KCNN2: variants seen among roughly 807,000 people sequenced by gnomAD.
KCNN2 encodes small conductance calcium-activated potassium channel protein 2.
A neutral mutation model predicts 55.5 loss-of-function variants in KCNN2; 24 were observed. That is an observed-to-expected ratio of 0.43 (90% CI 0.31 to 0.61). KCNN2 has a LOEUF of 0.61. Ranked by LOEUF, KCNN2 falls within the 20% of genes least tolerant of loss-of-function variation. The pLI is 0.08. For synonymous variants in KCNN2, 431 were observed against 336.1 expected (o/e 1.28, Z -3.09); for missense variants, 754 against 853.6 (o/e 0.88, Z 1.45).
At chr5:114,203,288 C>T (rs1369933936) in intron 1 of KCNN2, among the ~76,000 whole-genome samples, 1 of 152,050 alleles carries the variant, frequency 6.6e-6, no homozygotes, top group African/African-American at 2.4e-5. Flanking sequence ...CATTTAAAGT[C>T]CACTGTGATA....
intron 2 of KCNN2, among the ~76,000 whole-genome samples, chr5:114,330,883 T>A (rs1384449725): frequency 6.6e-6 from 1 of 152,182 alleles, no homozygotes; most frequent in African/African-American, 2.4e-5. Context: ...CAATTCTATA[T>A]CTCAACTGAA....
In KCNN2 at chr5:114,204,710, C is replaced by A. The variant is rs899087455; in HGVS notation, c.-270-16770C>A. Reference sequence around the variant, plus strand: ...ATGGCCGTGTCACATTATGGTGACACCACCATTATGGTGGAGCCTCTAAAA... The same window carrying A: ...ATGGCCGTGTCACATTATGGTGACAACACCATTATGGTGGAGCCTCTAAAA... On this transcript the variant is annotated intron_variant, in intron 1 of 10. Coordinates refer to the KCNN2 transcript ENST00000512097. Among the ~76,000 whole-genome samples, 4 of 152,162 alleles carry A rather than the reference C, an allele frequency of 2.6e-5. No individual in the cohort carries two copies. In the East Asian group the frequency reaches 7.7e-4, roughly 29 times the overall value.
At chr5:114,382,211 G>T (rs1758145780) in intron 2 of KCNN2, among the ~76,000 whole-genome samples, 1 of 152,170 alleles carries the variant, frequency 6.6e-6, no homozygotes, top group African/African-American at 2.4e-5. Context: ...ATTCTGCAGT[G>T]CAATCCTTGC....
chr5:114,058,925 G>A (rs577292635), intron 1 of KCNN2, among the ~76,000 whole-genome samples: 9 of 152,166 alleles, frequency 5.9e-5, no homozygotes, highest in South Asian at 2.1e-4. Context: ...TACTTACTGC[G>A]CAGGAGACCA....
chr5:114,399,893 G>C (rs1344814064), intron 2 of KCNN2, among the ~76,000 whole-genome samples: 3 of 149,850 alleles, frequency 2.0e-5, no homozygotes, highest in Non-Finnish European at 4.4e-5. Context: ...TGTGTGCATA[G>C]AGATGTACAT....
At chr5:114,378,588 G>A (rs939641306) in intron 2 of KCNN2, among the ~76,000 whole-genome samples, 1 of 152,162 alleles carries the variant, frequency 6.6e-6, no homozygotes, top group Non-Finnish European at 1.5e-5. Flanking sequence ...ATGTGGAATT[G>A]TGTGTTGAAT....
At chr5:114,113,146 C>A (rs1390598095) in intron 1 of KCNN2, among the ~76,000 whole-genome samples, 1 of 151,888 alleles carries the variant, frequency 6.6e-6, no homozygotes, top group African/African-American at 2.4e-5. Flanking sequence ...TAAATAAAAC[C>A]ATTTTATCTC....
chr5:114,194,816 T>C (rs761282526), intron 1 of KCNN2, among the ~76,000 whole-genome samples: 3 of 151,972 alleles, frequency 2.0e-5, no homozygotes, highest in Admixed American at 2.0e-4. Context: ...TAATTTTAGC[T>C]CTTACATTTA....
chr5:114,117,337 C>T (rs1290677516), intron 1 of KCNN2, among the ~76,000 whole-genome samples: 1 of 152,140 alleles, frequency 6.6e-6, no homozygotes, highest in Non-Finnish European at 1.5e-5. Flanking sequence ...CCTGCCTAAC[C>T]CACTCTGACC....
chr5:114,451,919 A>G (rs934713132), intron 3 of KCNN2, among the ~76,000 whole-genome samples: 1 of 151,950 alleles, frequency 6.6e-6, no homozygotes, highest in African/African-American at 2.4e-5. Context: ...AAAAGAATCA[A>G]ATGGAATCCT....
At chr5:114,309,620 T>C (rs146808182) in intron 2 of KCNN2, among the ~76,000 whole-genome samples, 74 of 152,326 alleles carry the variant, frequency 4.9e-4, no homozygotes, top group African/African-American at 1.6e-3. Context: ...CATTAATTCA[T>C]TTGTCAGAGA....
intron 2 of KCNN2, among the ~76,000 whole-genome samples, chr5:114,394,725 T>C (rs1307585456): frequency 2.0e-5 from 3 of 152,198 alleles, no homozygotes; most frequent in Non-Finnish European, 4.4e-5. Context: ...CTCCAAATCA[T>C]TTTTCCATAA....
chr5:114,388,988 G>A (rs1426075587), intron 2 of KCNN2, among the ~76,000 whole-genome samples: 1 of 152,040 alleles, frequency 6.6e-6, no homozygotes, highest in South Asian at 2.1e-4. Context: ...GTAATACAGT[G>A]ATGTTCTCTG....
intron 1 of KCNN2, among the ~76,000 whole-genome samples, chr5:114,064,064 G>T (rs1777651263): frequency 6.6e-6 from 1 of 152,204 alleles, no homozygotes; most frequent in African/African-American, 2.4e-5. Context: ...TTAACGAAAT[G>T]CTTGTGTTCT....
At chr5:114,092,533 CT>C (rs1298496935) in intron 1 of KCNN2, among the ~76,000 whole-genome samples, 1 of 152,308 alleles carries the variant, frequency 6.6e-6, no homozygotes, top group Non-Finnish European at 1.5e-5. Flanking sequence ...GGCAGTGCCC[CT>C]GTGGGGACTT....
At chr5:114,348,902 G>A (rs1757160567) in intron 2 of KCNN2, among the ~76,000 whole-genome samples, 1 of 152,020 alleles carries the variant, frequency 6.6e-6, no homozygotes, top group African/African-American at 2.4e-5. Flanking sequence ...ATTTTCTTAA[G>A]ATAGAATTTA....
chr5:114,440,180 G>A (rs1285959048), intron 3 of KCNN2, among the ~76,000 whole-genome samples: 1 of 152,014 alleles, frequency 6.6e-6, no homozygotes, highest in Non-Finnish European at 1.5e-5. Flanking sequence ...GAACGTAAAA[G>A]GAGTCAGAAA....
At chr5:114,313,602 C>T (rs1394671189) in intron 2 of KCNN2, among the ~76,000 whole-genome samples, 2 of 152,066 alleles carry the variant, frequency 1.3e-5, no homozygotes, top group Non-Finnish European at 2.9e-5. Context: ...GGAAGGTGAC[C>T]CTGAGATCTG....
At chr5:114,258,939 C>G (rs1049132409) in intron 2 of KCNN2, among the ~76,000 whole-genome samples, 1 of 152,192 alleles carries the variant, frequency 6.6e-6, no homozygotes, top group Non-Finnish European at 1.5e-5. Context: ...GTGGGCACAC[C>G]ACCAGTGGGG....
Sources: allele counts gnomAD v4.1 joint callset (sites outside exome capture counted in the v4.1 genomes callset), GRCh38; gene constraint gnomAD v4.1.1; transcripts MANE v1.5; gene names NCBI Gene and HGNC (gene_info 2026-07-23, HGNC 2026-07-21).